DLG2: variants seen among roughly 807,000 people sequenced by gnomAD.
DLG2 encodes the protein disks large homolog 2.
A neutral mutation model predicts 132.5 loss-of-function variants in DLG2; 45 were observed. That is an observed-to-expected ratio of 0.34 (90% CI 0.27 to 0.44). The LOEUF is 0.44. DLG2 is among the 20% of genes least tolerant of loss of function. DLG2 has a pLI of 1.00. For missense variants in DLG2, 1,045 were observed against 1,196.9 expected, an observed-to-expected ratio of 0.87 and a Z score of 1.87; for synonymous variants, 424 against 419.6, an observed-to-expected ratio of 1.01 and a Z score of -0.13.
chr11:83,597,723 T>C (rs1361790031), intron 19 of DLG2, among the ~76,000 whole-genome samples: 5 of 152,030 alleles, frequency 3.3e-5, no homozygotes, highest in Non-Finnish European at 5.9e-5. Flanking sequence ...AGGCGGAGGC[T>C]GCAGTGAGCT....
intron 6 of DLG2, among the ~76,000 whole-genome samples, chr11:84,931,968 G>A (rs1458341347): frequency 6.6e-6 from 1 of 151,940 alleles, no homozygotes; most frequent in African/African-American, 2.4e-5. Context: ...GGGGCTGTTT[G>A]CTTTTTTTCT....
At chr11:84,132,434 T>C (rs1189837651) in intron 9 of DLG2, among the ~76,000 whole-genome samples, 1 of 151,950 alleles carries the variant, frequency 6.6e-6, no homozygotes, top group African/African-American at 2.4e-5. Context: ...TATAGTCTCC[T>C]CACCTTCTCA....
At chr11:83,599,416 C>T (rs772312725) in intron 19 of DLG2, among the ~76,000 whole-genome samples, 33 of 152,114 alleles carry the variant, frequency 2.2e-4, no homozygotes, top group Non-Finnish European at 3.4e-4. Flanking sequence ...AAAACTGTTA[C>T]GTCTGATTGG....
chr11:84,618,770 G>A (rs2099608900), intron 6 of DLG2, among the ~76,000 whole-genome samples: 1 of 152,008 alleles, frequency 6.6e-6, no homozygotes, highest in Non-Finnish European at 1.5e-5. Context: ...AAGGAGATAG[G>A]ATGAAACAGA....
intron 7 of DLG2, among the ~76,000 whole-genome samples, chr11:84,428,153 A>G (rs958766072): frequency 1.3e-5 from 2 of 152,162 alleles, no homozygotes; most frequent in Admixed American, 6.5e-5. Flanking sequence ...CATTCCCCTT[A>G]CCCTCTACTT....
chr11:85,473,280 T>C (rs1009371364), intron 3 of DLG2, among the ~76,000 whole-genome samples: 4 of 152,204 alleles, frequency 2.6e-5, no homozygotes, highest in East Asian at 1.9e-4. Context: ...AGAGGCACCA[T>C]TGGCCACAAG....
intron 6 of DLG2, among the ~76,000 whole-genome samples, chr11:84,974,729 T>A (rs920247349): frequency 2.6e-5 from 4 of 152,124 alleles, no homozygotes; most frequent in African/African-American, 9.7e-5. Context: ...AGAAATACAC[T>A]CTCCAGTCCC....
chr11:84,283,558 T>C (rs2097876204), intron 7 of DLG2, among the ~76,000 whole-genome samples: 1 of 152,244 alleles, frequency 6.6e-6, no homozygotes, highest in African/African-American at 2.4e-5. Flanking sequence ...CCAACATACA[T>C]TTGACCAGTG....
At chr11:83,511,026 T>C (rs2094987120) in intron 21 of DLG2, among the ~76,000 whole-genome samples, 2 of 83,116 alleles carry the variant, frequency 2.4e-5, no homozygotes, top group African/African-American at 6.6e-5. Context: ...AATACTACGT[T>C]TTGAGAAAAA....
chr11:84,218,450 A>G (rs931620443), intron 8 of DLG2, among the ~76,000 whole-genome samples: 4 of 152,134 alleles, frequency 2.6e-5, no homozygotes, highest in Non-Finnish European at 4.4e-5. Context: ...CAAGCTTCCA[A>G]ATAAGAGCGT....
intron 11 of DLG2, among the ~76,000 whole-genome samples, chr11:83,992,108 T>C (rs1054937274): frequency 6.6e-6 from 1 of 152,190 alleles, no homozygotes; most frequent in Non-Finnish European, 1.5e-5. Context: ...AACTCTTGCA[T>C]TTCTAAGTTG....
intron 3 of DLG2, among the ~76,000 whole-genome samples, chr11:85,365,879 A>G (rs1210530510): frequency 6.6e-6 from 1 of 152,182 alleles, no homozygotes; most frequent in Non-Finnish European, 1.5e-5. Context: ...TGGGAGTTGA[A>G]CAATGAGAAC....
intron 3 of DLG2, among the ~76,000 whole-genome samples, chr11:85,333,238 G>A (rs1388273820): frequency 1.3e-5 from 2 of 152,056 alleles, no homozygotes; most frequent in East Asian, 1.9e-4. Flanking sequence ...TTGGCTCTCA[G>A]CTTAGATGAT....
intron 4 of DLG2, among the ~76,000 whole-genome samples, chr11:85,219,137 T>C (rs2082833737): frequency 6.6e-6 from 1 of 152,180 alleles, no homozygotes; most frequent in Non-Finnish European, 1.5e-5. Context: ...GCTCATTACC[T>C]GGGTGATGGA....
chr11:84,426,468 A>G (rs1285751832), intron 7 of DLG2, among the ~76,000 whole-genome samples: 2 of 152,138 alleles, frequency 1.3e-5, no homozygotes, highest in African/African-American at 2.4e-5. Flanking sequence ...GGACATATTA[A>G]TTGACCTTTC....
intron 21 of DLG2, among the ~76,000 whole-genome samples, chr11:83,515,876 T>C (rs1243919202): frequency 6.6e-6 from 1 of 152,246 alleles, no homozygotes; most frequent in African/African-American, 2.4e-5. Context: ...TTAATTGCAC[T>C]GTGGTCTGAG....
rs555587865 is a variant in DLG2 at position 84,178,743 on chromosome 11, G to C, written c.574-15232C>G. On this transcript the variant is annotated intron_variant, in intron 8 of 27. Coordinates refer to ENST00000376104, the MANE Select transcript of DLG2 (RefSeq NM_001142699.3). ...CTTCAAAAACAACAACAACAAAAAA[G>C]AAAAAAAAAACAAGACAGACTCATC... Among the ~76,000 whole-genome samples the C allele has an allele frequency of 1.1e-3, 156 of 143,802 alleles. 1 individual carries two copies. The highest frequency in any genetic ancestry group is 3.5e-3 in the African/African-American group (139 of 39,320). 94.3% of individuals were successfully genotyped at this position (143,802 alleles called of 152,430 possible).
chr11:84,596,404 G>C (rs1451396420), intron 6 of DLG2, among the ~76,000 whole-genome samples: 3 of 139,206 alleles, frequency 2.2e-5, no homozygotes, highest in Non-Finnish European at 4.6e-5. Flanking sequence ...TTTTTTAGTA[G>C]TAGAGACGGG....
chr11:85,386,359 G>C lies in DLG2; in HGVS notation c.41-100994C>G, dbSNP rs537735080. Among the ~76,000 whole-genome samples the C allele has an allele frequency of 1.2e-4, 19 of 152,204 alleles. No individual in the cohort carries two copies. The South Asian group carries it at 2.3e-3, about 18-fold the overall frequency. On this transcript the variant is annotated intron_variant, in intron 3 of 27. Transcript: ENST00000376104. ...GGTAAGATAAAATAGTTTGATCAAA[G>C]CTTCACAATTAATAAGTGACAGAAC...
Sources: allele counts gnomAD v4.1 joint callset (sites outside exome capture counted in the v4.1 genomes callset), GRCh38; gene constraint gnomAD v4.1.1; transcripts MANE v1.5; gene names NCBI Gene and HGNC (gene_info 2026-07-23, HGNC 2026-07-21).